The following MEGF6 variants were observed in gnomAD, a reference collection of about 807,000 sequenced individuals.
The protein encoded by MEGF6 is multiple EGF like domains 6.
MEGF6 carries 184 observed loss-of-function variants against 207.1 expected under a neutral mutation model. The ratio of observed to expected loss-of-function variants is 0.89; its 90% confidence interval spans 0.79 to 1.00. The LOEUF is 1.00. Ranked by LOEUF, MEGF6 falls within the 50% of genes least tolerant of loss-of-function variation. MEGF6 has a pLI of 0.00. For missense variants in MEGF6, 2,282 were observed against 2,202.9 expected (o/e 1.04, Z -0.72); for synonymous variants, 1,038 against 910.0 (o/e 1.14, Z -2.53).
chr1:3,502,033 T>C, intron 17 of MEGF6, 112 bp from the exon 18 acceptor site: 1 of 1,460,956 alleles, frequency 6.8e-7, no homozygotes, highest in South Asian at 1.2e-5. Flanking sequence ...CATGGGCTCC[T>C]GGCGAGTGTG....
At chr1:3,530,057 C>G (rs1374247654) in intron 4 of MEGF6, among the ~76,000 whole-genome samples, 1 of 152,236 alleles carries the variant, frequency 6.6e-6, no homozygotes, top group Admixed American at 6.5e-5. Flanking sequence ...AGCTCCCGAG[C>G]GCCCAGCGAC....
chr1:3,604,485 G>C (rs182004286), intron 1 of MEGF6, among the ~76,000 whole-genome samples: 2 of 152,296 alleles, frequency 1.3e-5, no homozygotes, highest in East Asian at 3.9e-4. Flanking sequence ...CACGAACCCA[G>C]GGCAGGTGGA....
At chr1:3,602,096 T>C (rs1204262280) in intron 2 of MEGF6, among the ~76,000 whole-genome samples, 2 of 152,198 alleles carry the variant, frequency 1.3e-5, no homozygotes, top group Non-Finnish European at 2.9e-5. Context: ...GTTTCACGTG[T>C]GTTGGGGAAC....
At chr1:3,574,895 G>A (rs564177055) in intron 4 of MEGF6, among the ~76,000 whole-genome samples, 3 of 152,182 alleles carry the variant, frequency 2.0e-5, no homozygotes, top group East Asian at 1.9e-4. Context: ...CACGTGCCTC[G>A]GCCTCCCAAA....
At chr1:3,600,077 G>A (rs539222060) in intron 2 of MEGF6, among the ~76,000 whole-genome samples, 37 of 152,258 alleles carry the variant, frequency 2.4e-4, no homozygotes, top group African/African-American at 8.2e-4. Context: ...TCCCGCCTCA[G>A]CTGCCCCGGC....
chr1:3,511,961 T>G (rs752598866), intron 8 of MEGF6, 45 bp downstream of exon 8: 2 of 1,610,704 alleles, frequency 1.2e-6, no homozygotes, highest in South Asian at 2.2e-5. Flanking sequence ...GGGAGCAGCA[T>G]GGCCATCCCG....
At chr1:3,515,747 C>T (rs1187065735) in intron 5 of MEGF6, among the ~76,000 whole-genome samples, 1 of 152,248 alleles carries the variant, frequency 6.6e-6, no homozygotes, top group Non-Finnish European at 1.5e-5. Flanking sequence ...CTACAGGATC[C>T]TCAGGCCTGT....
chr1:3,555,724 C>T (rs987908164), intron 4 of MEGF6, among the ~76,000 whole-genome samples: 1 of 152,174 alleles, frequency 6.6e-6, no homozygotes, highest in Non-Finnish European at 1.5e-5. Context: ...GGTCAGGTGC[C>T]TGCTGCCGCT....
At chr1:3,570,312 C>G (rs540439119) in intron 4 of MEGF6, among the ~76,000 whole-genome samples, 290 of 152,058 alleles carry the variant, frequency 1.9e-3, no homozygotes, top group Non-Finnish European at 3.7e-3. Context: ...CCTGCCCGCT[C>G]AACCCACTGC....
At position 3,490,940 on chromosome 1, in the gene MEGF6, G is replaced by A. The variant is rs748542519; in HGVS notation, c.4536C>T (p.Pro1512=). The change falls in exon 36 of 37, where the codon CCC becomes CCT. Residue 1512 remains proline, a synonymous_variant. Transcript: ENST00000356575. ...TCREGGPLRL[P]ENPSLAQGSA... ...AGCCCTGGGCTAAGGACGGGTTCTC[G>A]GGGAGCCGGAGGGGCCCACCTGGAG... 46 of 1,601,828 alleles carry A rather than the reference G, an allele frequency of 2.9e-5. No homozygotes were observed. The highest frequency in any genetic ancestry group is 5.2e-5 in the Admixed American group (3 of 57,276).
Position 3,499,119 on chromosome 1 carries a change from A to T in MEGF6, c.3094+19T>A. The T allele has an allele frequency of 6.2e-7, 1 of 1,600,756 alleles. No individual in the cohort carries two copies. The highest frequency in any genetic ancestry group is 8.5e-7 in the Non-Finnish European group (1 of 1,175,362). ...CTCAGGCCTGGACCCCGGTCCCTGG[A>T]CTCCTAGATGTGGCTTACCCTGCAG... is the stretch of plus-strand genomic sequence containing the variant. On this transcript the variant is annotated intron_variant, in intron 24 of 36. Transcript: ENST00000356575.
chr1:3,533,912 A>G (rs1642250004), intron 4 of MEGF6, among the ~76,000 whole-genome samples: 2 of 152,124 alleles, frequency 1.3e-5, no homozygotes, highest in Non-Finnish European at 1.5e-5. Flanking sequence ...GACACCCTCC[A>G]GGCTCCGGGG....
At chr1:3,523,020 T>C (rs1162691283) in intron 5 of MEGF6, among the ~76,000 whole-genome samples, 5 of 152,108 alleles carry the variant, frequency 3.3e-5, no homozygotes, top group African/African-American at 1.2e-4. Context: ...CCAGGGAAAC[T>C]TTACAGAGCG....
chr1:3,544,041 CTG>C (rs1022512122), intron 4 of MEGF6, among the ~76,000 whole-genome samples: 72 of 152,300 alleles, frequency 4.7e-4, no homozygotes, highest in African/African-American at 1.7e-3. Context: ...GGGAGAGCCT[CTG>C]CGCGCCGCAC....
intron 2 of MEGF6, among the ~76,000 whole-genome samples, chr1:3,597,000 C>A (rs113705732): frequency 0.014 from 2,123 of 152,284 alleles, 46 homozygotes; most frequent in African/African-American, 0.049. Context: ...AGGCCGCCAA[C>A]CACCCGCTCC....
intron 4 of MEGF6, among the ~76,000 whole-genome samples, chr1:3,577,309 G>A (rs1399298167): frequency 6.6e-6 from 1 of 152,230 alleles, no homozygotes; most frequent in Non-Finnish European, 1.5e-5. Flanking sequence ...GCCCTGCAGG[G>A]GACCCTGCTC....
At chr1:3,612,816 A>G (rs897937823), upstream of MEGF6, among the ~76,000 whole-genome samples, 5 of 152,172 alleles carry the variant, frequency 3.3e-5, no homozygotes, top group Non-Finnish European at 7.4e-5. Flanking sequence ...CAACACACAC[A>G]GGCTGTCTGT....
intron 13 of MEGF6, 55 bp downstream of exon 13, chr1:3,508,503 G>A: frequency 2.5e-6 from 4 of 1,585,810 alleles, no homozygotes; most frequent in East Asian, 4.5e-5. Context: ...CTGTCCCCAG[G>A]TCTTGGGGCT....
At position 3,505,314 on chromosome 1, in the gene MEGF6, C is replaced by T. The variant is rs2100990883; in HGVS notation, c.2082G>A (p.Gly694=). 1 of 1,611,914 alleles carries T rather than the reference C, an allele frequency of 6.2e-7. No homozygotes were observed. The change falls in exon 17 of 37, where the codon GGG becomes GGA. Residue 694 remains glycine (G), a synonymous_variant. Transcript: ENST00000356575. The part of the protein sequence containing the change: ...AECELGYFGP[G]CWQACTCPVG... ...CTGGGCAGGTGCATGCCTGCCAGCA[C>T]CCCGGCCCAAAGTAGCCCAGCTCAC...
Sources: gnomAD v4.1 joint callset for allele counts (sites outside exome capture counted in the v4.1 genomes callset) on GRCh38, gnomAD v4.1.1 for gene constraint, MANE v1.5 for transcripts, NCBI Gene and HGNC (gene_info 2026-07-23, HGNC 2026-07-21) for gene names.